EEIG2: variants seen among roughly 807,000 people sequenced by gnomAD.
EEIG2 encodes family with sequence similarity 102 member B.
At chr1:108,602,589 C>G in the EEIG2 span, among the ~76,000 whole-genome samples, 2 of 151,924 alleles carry the variant, frequency 1.3e-5, no homozygotes. Flanking sequence ...ATATGAAGAC[C>G]CTATTTCTGG....
At chr1:108,615,616 A>T in the EEIG2 span, among the ~76,000 whole-genome samples, 3 of 151,806 alleles carry the variant, frequency 2.0e-5, no homozygotes, top group Non-Finnish European at 4.4e-5. Flanking sequence ...TTCTGCAAAA[A>T]AAAAAGAAAA....
the EEIG2 span, among the ~76,000 whole-genome samples, chr1:108,598,364 A>AT: frequency 0.16 from 21,194 of 135,678 alleles, 2,432 homozygotes; most frequent in African/African-American, 0.32. Flanking sequence ...AAAAATCTGG[A>AT]TTTTTTTTTT....
chr1:108,631,428 A>G, the EEIG2 span, among the ~76,000 whole-genome samples: 13 of 152,198 alleles, frequency 8.5e-5, no homozygotes, highest in African/African-American at 3.1e-4. Context: ...ACTCTTTTTT[A>G]CAGATGAGAT....
the EEIG2 span, chr1:108,629,894 G>C: frequency 2.0e-6 from 1 of 509,116 alleles, no homozygotes; most frequent in Non-Finnish European, 3.6e-6. Context: ...ATTTTTAAAG[G>C]GTATTAGTCA....
At chr1:108,579,772 T>TGAGAGAGAGAGAGAGA in the EEIG2 span, among the ~76,000 whole-genome samples, 3,077 of 58,842 alleles carry the variant, frequency 0.052, 171 homozygotes, top group Non-Finnish European at 0.075. Flanking sequence ...TGTGTGTGTG[T>TGAGAGAGAGAGAGAGA]GAGAGAGAGA....
the EEIG2 span, among the ~76,000 whole-genome samples, chr1:108,563,779 T>A: frequency 6.6e-6 from 1 of 152,232 alleles, no homozygotes; most frequent in Non-Finnish European, 1.5e-5. Flanking sequence ...TTACTTCTAA[T>A]GAAATTAGAT....
At chr1:108,566,144 G>A in the EEIG2 span, among the ~76,000 whole-genome samples, 147,243 of 152,026 alleles carry the variant, frequency 0.97, 71,361 homozygotes, top group Non-Finnish European at 1. Context: ...TTATTTTAAT[G>A]GTGCATATTA....
At chr1:108,582,493 GT>G in the EEIG2 span, among the ~76,000 whole-genome samples, 3 of 152,018 alleles carry the variant, frequency 2.0e-5, no homozygotes, top group African/African-American at 7.3e-5. Flanking sequence ...ATTAAATTCA[GT>G]TTTTCAGGAC....
chr1:108,619,678 G>A, the EEIG2 span, among the ~76,000 whole-genome samples: 1 of 152,162 alleles, frequency 6.6e-6, no homozygotes, highest in Non-Finnish European at 1.5e-5. Context: ...CTTGAGTCCA[G>A]GAGTTCACGA....
the EEIG2 span, among the ~76,000 whole-genome samples, chr1:108,604,439 C>T: frequency 1.6e-4 from 24 of 152,078 alleles, no homozygotes; most frequent in Non-Finnish European, 2.9e-4. Flanking sequence ...AGTTATCCAA[C>T]TAAAAATAGA....
chr1:108,616,971 C>G, the EEIG2 span, among the ~76,000 whole-genome samples: 9 of 152,108 alleles, frequency 5.9e-5, no homozygotes, highest in Non-Finnish European at 1.2e-4. Flanking sequence ...GGAGGCCCCC[C>G]CCGGTAAAGA....
At chr1:108,627,184 T>G in the EEIG2 span, 1 of 152,208 alleles carries the variant, frequency 6.6e-6, no homozygotes, top group Non-Finnish European at 1.5e-5. Context: ...GCTGCATAAC[T>G]CGATATGAAC....
the EEIG2 span, among the ~76,000 whole-genome samples, chr1:108,590,028 A>G: frequency 6.6e-6 from 1 of 152,032 alleles, no homozygotes; most frequent in South Asian, 2.1e-4. Context: ...TGCCTCCTAG[A>G]CATTTCCAAA....
the EEIG2 span, among the ~76,000 whole-genome samples, chr1:108,621,357 G>T: frequency 7.2e-5 from 11 of 152,286 alleles, no homozygotes; most frequent in East Asian, 1.9e-3. Flanking sequence ...CCCCAGCTAA[G>T]ATTTTGGATT....
chr1:108,600,205 A>T, the EEIG2 span, among the ~76,000 whole-genome samples: 2 of 152,220 alleles, frequency 1.3e-5, no homozygotes, highest in African/African-American at 2.4e-5. Flanking sequence ...CTATGAATAT[A>T]ATCCCTACAA....
At chr1:108,579,448 G>C in the EEIG2 span, among the ~76,000 whole-genome samples, 110 of 146,950 alleles carry the variant, frequency 7.5e-4, no homozygotes, top group South Asian at 3.2e-3. Context: ...AGCAAGTCCT[G>C]AGTGACCTAC....
the EEIG2 span, among the ~76,000 whole-genome samples, chr1:108,566,040 A>G: frequency 6.6e-6 from 1 of 152,262 alleles, no homozygotes; most frequent in African/African-American, 2.4e-5. Context: ...CAACTATCAC[A>G]TACCCTTTTT....
At chr1:108,567,792 A>T in the EEIG2 span, among the ~76,000 whole-genome samples, 1 of 152,262 alleles carries the variant, frequency 6.6e-6, no homozygotes, top group South Asian at 2.1e-4. Flanking sequence ...GAGCCCAGAA[A>T]TTCAAGAACA....
At chr1:108,573,154 C>A in the EEIG2 span, among the ~76,000 whole-genome samples, 1 of 152,072 alleles carries the variant, frequency 6.6e-6, no homozygotes, top group East Asian at 1.9e-4. Context: ...AGAGTATTGC[C>A]CACCCATCTT....
Sources: allele counts gnomAD v4.1 joint callset (sites outside exome capture counted in the v4.1 genomes callset), GRCh38; gene constraint gnomAD v4.1.1; transcripts MANE v1.5; gene names NCBI Gene and HGNC (gene_info 2026-07-23, HGNC 2026-07-21).